OCA2: variants seen among roughly 807,000 people sequenced by gnomAD.
OCA2 encodes the protein P protein.
Under a neutral mutation model 100.2 loss-of-function variants are expected in OCA2, and 77 were observed. The observed-to-expected ratio is 0.77, with a 90% CI of 0.64 to 0.93. The LOEUF is 0.93. OCA2 is among the 40% of genes least tolerant of loss of function. OCA2 has a pLI of 0.00. For missense variants in OCA2, 1,062 were observed against 1,089.1 expected (o/e 0.98, Z 0.35); for synonymous variants, 432 against 439.2 (o/e 0.98, Z 0.21).
At chr15:28,018,643 A>T in intron 6 of OCA2, 86 bp from the exon 7 acceptor site, 3 of 1,300,892 alleles carry the variant, frequency 2.3e-6, no homozygotes, top group Non-Finnish European at 3.2e-6. Context: ...CTCCTCTGAC[A>T]GTGTGTGAAG....
chr15:27,843,128 G>T (rs1003438712), intron 23 of OCA2, among the ~76,000 whole-genome samples: 1 of 152,198 alleles, frequency 6.6e-6, no homozygotes, highest in Non-Finnish European at 1.5e-5. Context: ...CATGCTTTTT[G>T]CTCTCTGAAA....
chr15:27,922,542 T>C (rs1220672269), intron 19 of OCA2, among the ~76,000 whole-genome samples: 9 of 152,232 alleles, frequency 5.9e-5, no homozygotes, highest in Non-Finnish European at 1.0e-4. Flanking sequence ...CCATGTACTG[T>C]CTGTGTTTGT....
the OCA2 span, among the ~76,000 whole-genome samples, chr15:27,741,315 G>A: frequency 6.6e-6 from 1 of 152,166 alleles, no homozygotes; most frequent in African/African-American, 2.4e-5. Context: ...CATTGCCATT[G>A]GGGGAAGGAC....
At chr15:27,798,994 G>A (rs747527094) in intron 23 of OCA2, among the ~76,000 whole-genome samples, 9 of 152,238 alleles carry the variant, frequency 5.9e-5, no homozygotes, top group Non-Finnish European at 1.3e-4. Flanking sequence ...CAGGTTGAGA[G>A]ATCTGCATCA....
Position 27,754,965 on chromosome 15 carries a change from C to A in OCA2, c.*423G>T, listed in dbSNP as rs2030221360. 1 of 232,556 alleles carries A rather than the reference C, an allele frequency of 4.3e-6. No individual in the cohort carries two copies. The highest frequency in any genetic ancestry group is 9.1e-5 in the East Asian group (1 of 11,010). 14.4% of individuals were successfully genotyped at this position (232,556 alleles called of 1,614,324 possible). Reference sequence around the variant, plus strand: ...AGAAAGTCTATATTCAGAAAGCATACAATTTGAATGCTGATTATTTTAACA... The same window carrying A: ...AGAAAGTCTATATTCAGAAAGCATAAAATTTGAATGCTGATTATTTTAACA... On this transcript the variant is annotated 3_prime_UTR_variant, in exon 24 of 24. Transcript: ENST00000354638.
At chr15:27,930,769 A>G (rs2039221073) in intron 18 of OCA2, among the ~76,000 whole-genome samples, 1 of 151,712 alleles carries the variant, frequency 6.6e-6, no homozygotes, top group African/African-American at 2.4e-5. Context: ...GTGGTGACTG[A>G]GCCAGGCTCT....
chr15:27,911,584 G>A (rs1456289453), intron 19 of OCA2, among the ~76,000 whole-genome samples: 1 of 152,124 alleles, frequency 6.6e-6, no homozygotes, highest in Non-Finnish European at 1.5e-5. Context: ...GCAGAAGTGA[G>A]GGAGAAAACA....
chr15:27,886,092 C>G (rs2151569226), intron 19 of OCA2, among the ~76,000 whole-genome samples: 1 of 152,168 alleles, frequency 6.6e-6, no homozygotes, highest in African/African-American at 2.4e-5. Flanking sequence ...GAAGAGCATC[C>G]CACGTAGAGG....
intron 17 of OCA2, among the ~76,000 whole-genome samples, chr15:27,953,315 C>T (rs565483833): frequency 1.6e-4 from 25 of 152,206 alleles, no homozygotes; most frequent in African/African-American, 2.9e-4. Context: ...ACAGCTGACA[C>T]AGCCCCTCCT....
intron 17 of OCA2, among the ~76,000 whole-genome samples, chr15:27,954,116 TACACACACAC>T (rs200633980): frequency 2.6e-4 from 12 of 46,500 alleles, no homozygotes; most frequent in African/African-American, 3.6e-4. Context: ...TTCCATGGCA[TACACACACAC>T]ACACACACAC....
At chr15:27,743,026 C>T in the OCA2 span, among the ~76,000 whole-genome samples, 1 of 152,344 alleles carries the variant, frequency 6.6e-6, no homozygotes, top group East Asian at 1.9e-4. Flanking sequence ...AAAATGCCAT[C>T]AGGGTAGACA....
chr15:28,030,232 G>A (rs144399371), intron 3 of OCA2, among the ~76,000 whole-genome samples: 116 of 152,300 alleles, frequency 7.6e-4, no homozygotes, highest in African/African-American at 2.6e-3. Flanking sequence ...AGGGGCTGGT[G>A]GCAGGGACTG....
chr15:28,039,200 G>A (rs1462613419), intron 2 of OCA2, among the ~76,000 whole-genome samples: 1 of 152,064 alleles, frequency 6.6e-6, no homozygotes, highest in Non-Finnish European at 1.5e-5. Flanking sequence ...TACCATAATG[G>A]TTGAAGACTT....
the OCA2 span, among the ~76,000 whole-genome samples, chr15:27,734,408 A>C: frequency 6.6e-6 from 1 of 152,026 alleles, no homozygotes; most frequent in Non-Finnish European, 1.5e-5. Flanking sequence ...TGCCTTTCCC[A>C]ACCTCAATCA....
intron 19 of OCA2, among the ~76,000 whole-genome samples, chr15:27,885,015 T>C (rs538610792): frequency 2.0e-5 from 3 of 152,342 alleles, no homozygotes; most frequent in Admixed American, 2.0e-4. Flanking sequence ...GAATGAACTT[T>C]CTTTCACTCT....
intron 15 of OCA2, among the ~76,000 whole-genome samples, chr15:27,965,434 G>C (rs2040533494): frequency 6.6e-6 from 1 of 152,178 alleles, no homozygotes; most frequent in African/African-American, 2.4e-5. Context: ...TCCTGAGGAG[G>C]AATGCAAAAC....
intron 21 of OCA2, among the ~76,000 whole-genome samples, chr15:27,862,219 G>A (rs139166964): frequency 1.9e-5 from 1 of 53,606 alleles, no homozygotes; most frequent in African/African-American, 2.1e-4. Context: ...GAGTCCTCAC[G>A]GACAGAAAGC....
intron 23 of OCA2, among the ~76,000 whole-genome samples, chr15:27,835,022 G>T (rs1395280599): frequency 1.3e-5 from 2 of 152,172 alleles, no homozygotes; most frequent in Non-Finnish European, 2.9e-5. Flanking sequence ...GGACGTAATG[G>T]GATGCAGAAA....
chr15:28,068,223 CAT>C (rs1187136793), intron 2 of OCA2, among the ~76,000 whole-genome samples: 11 of 152,206 alleles, frequency 7.2e-5, no homozygotes, highest in African/African-American at 2.2e-4. Flanking sequence ...GGTGTCATTA[CAT>C]GTGAGAAAGA....
Sources: allele counts gnomAD v4.1 joint callset (sites outside exome capture counted in the v4.1 genomes callset), GRCh38; gene constraint gnomAD v4.1.1; transcripts MANE v1.5; gene names NCBI Gene and HGNC (gene_info 2026-07-23, HGNC 2026-07-21).